The following GALNT13 variants were observed in gnomAD, a reference collection of about 807,000 sequenced individuals.
GALNT13 encodes the protein UDP-GalNAc:polypeptide N-acetylgalactosaminyltransferase 13.
In GALNT13, 28 loss-of-function variants were observed where a neutral mutation model predicts 64.2. The observed-to-expected ratio is 0.44, with a 90% CI of 0.32 to 0.60. GALNT13 has a LOEUF of 0.60. Ranked by LOEUF, GALNT13 falls within the 20% of genes least tolerant of loss-of-function variation. The pLI, the probability that GALNT13 is intolerant of heterozygous loss-of-function variation, is 0.05. For synonymous variants in GALNT13, 214 were observed against 224.6 expected, an observed-to-expected ratio of 0.95 and a Z score of 0.42; for missense variants, 577 against 669.8, an observed-to-expected ratio of 0.86 and a Z score of 1.53.
intron 9 of GALNT13, among the ~76,000 whole-genome samples, chr2:154,351,748 C>T (rs1055964757): frequency 1.5e-5 from 2 of 132,992 alleles, no homozygotes; most frequent in African/African-American, 5.5e-5. Context: ...TGAGATCACT[C>T]TGTCACTTGT....
At chr2:153,681,225 T>G in the GALNT13 span, among the ~76,000 whole-genome samples, 9 of 151,888 alleles carry the variant, frequency 5.9e-5, no homozygotes, top group Non-Finnish European at 1.0e-4. Context: ...TGACATTTCC[T>G]TAACATGTGA....
At chr2:154,028,609 T>G (rs1698136869) in intron 3 of GALNT13, among the ~76,000 whole-genome samples, 1 of 152,126 alleles carries the variant, frequency 6.6e-6, no homozygotes, top group South Asian at 2.1e-4. Flanking sequence ...CATTAGGGAA[T>G]TGGGGTCTTG....
At chr2:153,436,254 A>G in the GALNT13 span, among the ~76,000 whole-genome samples, 1 of 152,200 alleles carries the variant, frequency 6.6e-6, no homozygotes, top group Non-Finnish European at 1.5e-5. Context: ...GGATTTTTGC[A>G]TCGATGTTCA....
chr2:153,916,770 A>G (rs994862188), intron 2 of GALNT13, among the ~76,000 whole-genome samples: 1 of 150,414 alleles, frequency 6.6e-6, no homozygotes, highest in Non-Finnish European at 1.5e-5. Flanking sequence ...ATAAATGACT[A>G]ATACAGATTG....
At chr2:153,602,307 T>G in the GALNT13 span, among the ~76,000 whole-genome samples, 80 of 151,836 alleles carry the variant, frequency 5.3e-4, no homozygotes, top group Non-Finnish European at 9.6e-4. Flanking sequence ...AAATCCCTGC[T>G]TTCACGGTGT....
the GALNT13 span, among the ~76,000 whole-genome samples, chr2:153,318,085 C>T: frequency 1.4e-5 from 2 of 146,940 alleles, no homozygotes; most frequent in East Asian, 2.0e-4. Context: ...GTGCTAATAT[C>T]TTTGCAACCT....
chr2:153,439,753 C>G, the GALNT13 span, among the ~76,000 whole-genome samples: 1 of 152,168 alleles, frequency 6.6e-6, no homozygotes, highest in Non-Finnish European at 1.5e-5. Context: ...AATTCCCTGA[C>G]TTGTTGCGCT....
At chr2:153,072,921 G>A in the GALNT13 span, among the ~76,000 whole-genome samples, 1 of 152,154 alleles carries the variant, frequency 6.6e-6, no homozygotes, top group Admixed American at 6.6e-5. Flanking sequence ...ATTGAGCATC[G>A]TTCCATTTCC....
chr2:153,648,172 G>A, the GALNT13 span, among the ~76,000 whole-genome samples: 41 of 152,206 alleles, frequency 2.7e-4, no homozygotes, highest in South Asian at 8.5e-3. Context: ...TCCTTGAAGA[G>A]GACCTTCACA....
the GALNT13 span, among the ~76,000 whole-genome samples, chr2:153,606,998 T>C: frequency 6.6e-6 from 1 of 152,026 alleles, no homozygotes; most frequent in Non-Finnish European, 1.5e-5. Context: ...CACTTTTCTT[T>C]GGGAAAATGT....
the GALNT13 span, among the ~76,000 whole-genome samples, chr2:153,841,542 G>C: frequency 5.0e-4 from 76 of 152,088 alleles, no homozygotes; most frequent in Non-Finnish European, 9.0e-4. Flanking sequence ...AAAGAAAATT[G>C]AGGAGGAGAG....
chr2:153,789,055 A>G, the GALNT13 span, among the ~76,000 whole-genome samples: 5 of 152,200 alleles, frequency 3.3e-5, no homozygotes, highest in African/African-American at 1.2e-4. Flanking sequence ...GCAGAAAATT[A>G]ACAAAGATAT....
At chr2:153,116,927 G>A in the GALNT13 span, among the ~76,000 whole-genome samples, 1 of 148,258 alleles carries the variant, frequency 6.7e-6, no homozygotes, top group Admixed American at 7.0e-5. Context: ...AGCCTCCCAA[G>A]TAGCTGGGAC....
the GALNT13 span, among the ~76,000 whole-genome samples, chr2:153,753,634 G>A: frequency 6.6e-6 from 1 of 152,102 alleles, no homozygotes; most frequent in South Asian, 2.1e-4. Flanking sequence ...CCACCTGGGG[G>A]GTGGAATGAC....
At chr2:154,047,956 C>T (rs1699370127) in intron 3 of GALNT13, among the ~76,000 whole-genome samples, 1 of 152,152 alleles carries the variant, frequency 6.6e-6, no homozygotes, top group Non-Finnish European at 1.5e-5. Flanking sequence ...CATCCATTTT[C>T]ACATTGCTAT....
the GALNT13 span, among the ~76,000 whole-genome samples, chr2:153,765,137 G>T: frequency 6.6e-6 from 1 of 152,212 alleles, no homozygotes; most frequent in African/African-American, 2.4e-5. Flanking sequence ...GTCCCCATTG[G>T]TGCACTGCCT....
the GALNT13 span, among the ~76,000 whole-genome samples, chr2:153,073,059 G>A: frequency 4.0e-5 from 6 of 151,722 alleles, no homozygotes; most frequent in South Asian, 1.3e-3. Context: ...TTTGACACAT[G>A]CTCTCATTTA....
chr2:154,434,626 A>G (rs746293767), intron 11 of GALNT13, among the ~76,000 whole-genome samples: 15 of 152,264 alleles, frequency 9.9e-5, no homozygotes, highest in Non-Finnish European at 1.8e-4. Context: ...AGATTAAAAG[A>G]GTTGACTCAA....
At chr2:153,442,782 G>A in the GALNT13 span, among the ~76,000 whole-genome samples, 4 of 152,132 alleles carry the variant, frequency 2.6e-5, no homozygotes, top group Non-Finnish European at 4.4e-5. Context: ...TGACTACAGC[G>A]GTTTTGCTGA....
Sources: allele counts gnomAD v4.1 joint callset (sites outside exome capture counted in the v4.1 genomes callset), GRCh38; gene constraint gnomAD v4.1.1; transcripts MANE v1.5; gene names NCBI Gene and HGNC (gene_info 2026-07-23, HGNC 2026-07-21).